Variants in PADI1 observed in about 807,000 individuals in gnomAD.
PADI1 encodes the protein protein-arginine deiminase type-1.
In PADI1, 65 loss-of-function variants were observed where a neutral mutation model predicts 74.8. The observed-to-expected ratio is 0.87, with a 90% confidence interval of 0.71 to 1.07. The LOEUF is 1.07. PADI1 is among the 50% of genes least tolerant of loss of function. The probability of loss-of-function intolerance (pLI) is 0.00; values close to 1 mark genes in which losing one functional copy is unlikely to be tolerated. For synonymous variants in PADI1, 371 were observed against 336.2 expected (o/e 1.10, Z -1.13); for missense variants, 943 against 854.0 (o/e 1.10, Z -1.30).
At chr1:17,220,047 G>A (rs540002679) in intron 1 of PADI1, among the ~76,000 whole-genome samples, 72 of 152,218 alleles carry the variant, frequency 4.7e-4, no homozygotes, top group Non-Finnish European at 8.1e-4. Flanking sequence ...GGCAACTGAT[G>A]TAAACGATGA....
chr1:17,225,751 G>A lies in PADI1; in HGVS notation c.409-60G>A, dbSNP rs544005784. On this transcript the variant is annotated intron_variant, in intron 4 of 15. Transcript: ENST00000375471. ...AAGCAGCCCGCCCTGGCCATGTCTA[G>A]AACCCCTTCCTGGAGCCTCCTGGGT... is the stretch of plus-strand genomic sequence containing the variant. 4 of 1,225,116 alleles carry A rather than the reference G, an allele frequency of 3.3e-6. No homozygotes were observed. The African/African-American group carries it at 6.0e-5, about 18-fold the overall frequency. 75.9% of individuals were successfully genotyped at this position (1,225,116 alleles called of 1,614,324 possible). A position where few individuals can be genotyped will look rare whatever the true frequency, so the allele number is the denominator to read the frequency against.
chr1:17,238,695 C>A lies in PADI1; in HGVS notation c.1538C>A (p.Ala513Glu). The change falls in exon 13 of 16, where the codon GCA (alanine) becomes GAA (glutamate). Residue 513 changes from alanine (A) to glutamate (E), a missense_variant. Ala to Glu is a moderately radical substitution (Grantham distance 107). Coordinates refer to ENST00000375471, the MANE Select transcript of PADI1 (RefSeq NM_013358.3). ...QEKKEEGYGE[A>E]AQFDGLKHQA... ...AAGAAAGAAGAGGGTTATGGGGAGG[C>A]AGCCCAGTTTGATGGTGAGTGCCAA... The A allele has an allele frequency of 6.5e-7, 1 of 1,528,760 alleles. No individual in the cohort carries two copies. Among genetic ancestry groups the A allele is most frequent in the Non-Finnish European group, 8.9e-7 (1 of 1,128,148 alleles). 94.7% of individuals were successfully genotyped at this position (1,528,760 alleles called of 1,614,324 possible).
intron 12 of PADI1, among the ~76,000 whole-genome samples, chr1:17,238,210 T>G (rs577962320): frequency 3.2e-4 from 49 of 152,222 alleles, no homozygotes; most frequent in Middle Eastern, 3.4e-3. Context: ...CCAGCTAATT[T>G]TTTGTATTTT....
At chr1:17,223,271 T>C (rs1406099644) in intron 2 of PADI1, among the ~76,000 whole-genome samples, 1 of 152,126 alleles carries the variant, frequency 6.6e-6, no homozygotes, top group Non-Finnish European at 1.5e-5. Flanking sequence ...TACCCGAGGC[T>C]TAGAGGAGCT....
At chr1:17,222,684 CGT>C (rs1478748463) in intron 2 of PADI1, among the ~76,000 whole-genome samples, 1 of 152,188 alleles carries the variant, frequency 6.6e-6, no homozygotes, top group Non-Finnish European at 1.5e-5. Flanking sequence ...CACATGTACA[CGT>C]GAGTACTCCC....
In PADI1 at chr1:17,244,038, T is replaced by C. The variant is rs1279110783; in HGVS notation, c.1787T>C (p.Leu596Pro). ...AACATGGTGGTCTTAGGCAAGTACC[T>C]GGGCATCCCCAAGCCCTACGGGCCC... ...MVNMVVLGKY[L>P]GIPKPYGPII... Residue 596 changes from leucine to proline, a missense_variant, in exon 16 of 16, where the codon CTG becomes CCG. Leu to Pro is a moderately conservative substitution (Grantham distance 98). Coordinates refer to ENST00000375471, the MANE Select transcript of PADI1 (RefSeq NM_013358.3). The C allele has an allele frequency of 2.5e-6, 4 of 1,614,076 alleles. No homozygotes were observed. The highest frequency in any genetic ancestry group is 3.4e-6 in the Non-Finnish European group (4 of 1,179,936).
rs769861490 is a variant in PADI1 at position 17,229,062 on chromosome 1, C to T, written c.929+11C>T. 4.0e-6 allele frequency: 6 copies of T among 1,507,016 alleles called. No individual in the cohort carries two copies. Among genetic ancestry groups the T allele is most frequent in the Middle Eastern group, 1.7e-4 (1 of 5,860 alleles). 93.4% of individuals were successfully genotyped at this position (1,507,016 alleles called of 1,614,324 possible). On this transcript the variant is annotated intron_variant, in intron 8 of 15. Coordinates refer to ENST00000375471, the MANE Select transcript of PADI1 (RefSeq NM_013358.3). ...GCTGTATGTGTGCAGGTGAGGCTCC[C>T]TCCCTCCAGCCCTCCCCCAAGTCTG...
Position 17,237,446 on chromosome 1 carries a change from C to G in PADI1, c.1446C>G (p.Thr482=), listed in dbSNP as rs777819325. Residue 482 remains threonine, a synonymous_variant, in exon 12 of 16, where the codon ACC becomes ACG. Transcript: ENST00000375471. ...HVDEFLTFVP[T]SDQKGFRLLL... ...ACGAGTTTCTGACCTTTGTGCCTAC[C>G]TCTGACCAAAAGGTGCGTCCCCTCC... is the stretch of plus-strand genomic sequence containing the variant. 6 of 1,611,272 alleles carry G rather than the reference C, an allele frequency of 3.7e-6. No individual in the cohort carries two copies. The African/African-American group carries it at 8.0e-5, about 22-fold the overall frequency.
At chr1:17,208,383 C>T (rs1360825056) in intron 1 of PADI1, among the ~76,000 whole-genome samples, 3 of 152,148 alleles carry the variant, frequency 2.0e-5, no homozygotes, top group South Asian at 2.1e-4. Flanking sequence ...TCCCCACACC[C>T]CAGTAGGCTA....
At chr1:17,208,087 G>A (rs899826581) in intron 1 of PADI1, among the ~76,000 whole-genome samples, 1 of 152,234 alleles carries the variant, frequency 6.6e-6, no homozygotes, top group African/African-American at 2.4e-5. Context: ...CCCAGTGTCT[G>A]ACTCTAGCTA....
At chr1:17,239,829 C>A (rs1396379659) in intron 14 of PADI1, 46 bp downstream of exon 14, 3 of 1,463,392 alleles carry the variant, frequency 2.1e-6, no homozygotes, top group African/African-American at 2.8e-5. Flanking sequence ...CTTTCCCTTC[C>A]AGGGAGAAGA....
chr1:17,222,818 CACA>C (rs1047277469), intron 2 of PADI1, among the ~76,000 whole-genome samples: 8 of 152,292 alleles, frequency 5.3e-5, no homozygotes, highest in Admixed American at 1.3e-4. Context: ...GGCAGGACCG[CACA>C]ACAACAACCC....
intron 1 of PADI1, among the ~76,000 whole-genome samples, chr1:17,213,457 C>T (rs1471383228): frequency 6.6e-6 from 1 of 152,222 alleles, no homozygotes; most frequent in African/African-American, 2.4e-5. Flanking sequence ...GGCTTCACCC[C>T]AGAGAGAGGC....
intron 10 of PADI1, among the ~76,000 whole-genome samples, chr1:17,231,038 C>T (rs774276287): frequency 3.3e-5 from 5 of 152,090 alleles, no homozygotes; most frequent in Non-Finnish European, 4.4e-5. Context: ...TGAGCCTGCA[C>T]GGCTCTTGTT....
intron 4 of PADI1, among the ~76,000 whole-genome samples, chr1:17,225,309 T>C (rs1569799488): frequency 6.6e-6 from 1 of 152,080 alleles, no homozygotes; most frequent in African/African-American, 2.4e-5. Context: ...CAGGGAGAGC[T>C]CCAGCCATGT....
In PADI1 at chr1:17,205,129, G is replaced by A; in HGVS notation, c.-89G>A. The A allele has an allele frequency of 2.9e-6, 3 of 1,021,988 alleles. No homozygotes were observed. The highest frequency in any genetic ancestry group is 1.3e-5 in the South Asian group (1 of 74,138). The allele number at this position is 1,021,988 out of a possible 1,614,324, so 63.3% of individuals were successfully genotyped here. A position where few individuals can be genotyped will look rare whatever the true frequency, so the allele number is the denominator to read the frequency against. On this transcript the variant is annotated 5_prime_UTR_variant, in exon 1 of 16. Transcript: ENST00000375471. Reference sequence around the variant, plus strand: ...GGGAGGAGGAGGCACCAGTCCATCAGAACTCACACTTCTTCCTGGCAAAGA... The same window carrying A: ...GGGAGGAGGAGGCACCAGTCCATCAAAACTCACACTTCTTCCTGGCAAAGA...
chr1:17,225,860 A>G lies in PADI1; in HGVS notation c.458A>G (p.Asn153Ser). 6.2e-7 allele frequency: 1 copy of G among 1,614,080 alleles called. No individual in the cohort carries two copies. Among genetic ancestry groups the G allele is most frequent in the South Asian group, 1.1e-5 (1 of 91,082 alleles). ...PEGYGAILLV[N>S]CDRDNHRSAE... is the part of the protein sequence containing the mutation. ...GGCTATGGGGCTATCTTGCTGGTGA[A>G]CTGTGACCGGGACAATCACAGGTCC... is the stretch of plus-strand genomic sequence containing the variant. Residue 153 changes from asparagine (N) to serine (S), a missense_variant, in exon 5 of 16, where the codon AAC becomes AGC. Transcript: ENST00000375471.
At position 17,222,450 on chromosome 1, in the gene PADI1, A is replaced by G. The variant is rs145834709; in HGVS notation, c.253A>G (p.Lys85Glu). The part of the protein sequence containing the change: ...DMVVSVGTAS[K>E]ELKDFKVRVS... ...GGTCGTATCTGTGGGCACAGCCAGT[A>G]AGGAATTAAAGGACTTCAAGGTAAG... is the stretch of plus-strand genomic sequence containing the variant. Residue 85 changes from lysine to glutamate, a missense_variant, in exon 2 of 16, where the codon AAG (lysine) becomes GAG (glutamate). Coordinates refer to ENST00000375471, the MANE Select transcript of PADI1 (RefSeq NM_013358.3). 44 of 1,613,742 alleles carry G rather than the reference A, an allele frequency of 2.7e-5. No individual in the cohort carries two copies. In the African/African-American group the frequency reaches 4.8e-4, roughly 18 times the overall value.
At chr1:17,220,836 G>A (rs992011243) in intron 1 of PADI1, among the ~76,000 whole-genome samples, 8 of 152,232 alleles carry the variant, frequency 5.3e-5, no homozygotes, top group Admixed American at 1.3e-4. Context: ...TGCAGGGGAT[G>A]AAGAAGAATG....
Sources: gnomAD v4.1 joint callset for allele counts (sites outside exome capture counted in the v4.1 genomes callset) on GRCh38, gnomAD v4.1.1 for gene constraint, MANE v1.5 for transcripts, NCBI Gene and HGNC (gene_info 2026-07-23, HGNC 2026-07-21) for gene names.